Variants in RAD51B observed in about 807,000 individuals in gnomAD.
RAD51B encodes the protein RAD51 paralog B.
Under a neutral mutation model 42.2 loss-of-function variants are expected in RAD51B, and 38 were observed. The observed-to-expected ratio is 0.90, with a 90% CI of 0.70 to 1.18. RAD51B has a LOEUF of 1.18. RAD51B is among the 50% of genes most tolerant of loss of function. The pLI is 0.00. For synonymous variants in RAD51B, 154 were observed against 145.2 expected, an observed-to-expected ratio of 1.06 and a Z score of -0.43; for missense variants, 373 against 400.7, an observed-to-expected ratio of 0.93 and a Z score of 0.59.
At chr14:68,163,381 G>A (rs1019766625) in intron 7 of RAD51B, among the ~76,000 whole-genome samples, 1 of 152,090 alleles carries the variant, frequency 6.6e-6, no homozygotes, top group Admixed American at 6.6e-5. Flanking sequence ...CCAGATCAAT[G>A]AACATTCCTC....
chr14:68,444,440 T>TTTTGTGTG lies in RAD51B; in HGVS notation c.958-23731_958-23730insTTGTGTGT, dbSNP rs112036154. Among the ~76,000 whole-genome samples, 500 of 150,272 alleles carry TTTTGTGTG rather than the reference T, an allele frequency of 3.3e-3. 2 individuals carry two copies. Among genetic ancestry groups the TTTTGTGTG allele is most frequent in the Admixed American group, 6.2e-3 (93 of 15,110 alleles). On this transcript the variant is annotated intron_variant, in intron 9 of 10. Coordinates refer to ENST00000471583, the MANE Select transcript of RAD51B (RefSeq NM_133510.4). Reference sequence around the variant, plus strand: ...TTCCACAGGTGGAAAGAATTGTGAATTGTGTGTGTGTGTGTGTGTGTGTGT... The same window carrying TTTTGTGTG: ...TTCCACAGGTGGAAAGAATTGTGAATTTTGTGTGTGTGTGTGTGTGTGTGTGTGTGTGT...
chr14:68,072,344 G>C (rs1291207040), intron 7 of RAD51B, among the ~76,000 whole-genome samples: 1 of 151,078 alleles, frequency 6.6e-6, no homozygotes, highest in Non-Finnish European at 1.5e-5. Context: ...CCCGCAATAG[G>C]CTGTCTGCAA....
chr14:68,295,026 T>C (rs2139671145), intron 8 of RAD51B, among the ~76,000 whole-genome samples: 1 of 152,280 alleles, frequency 6.6e-6, no homozygotes, highest in African/African-American at 2.4e-5. Flanking sequence ...CCCAATAGTT[T>C]GTGAATGGGA....
At chr14:68,650,072 C>T (rs1484693662) in intron 10 of RAD51B, among the ~76,000 whole-genome samples, 4 of 152,168 alleles carry the variant, frequency 2.6e-5, no homozygotes, top group Non-Finnish European at 4.4e-5. Flanking sequence ...TCAGAAATGT[C>T]TGATCTTTGC....
intron 7 of RAD51B, among the ~76,000 whole-genome samples, chr14:67,946,960 T>G (rs1345950315): frequency 6.6e-6 from 1 of 152,206 alleles, no homozygotes; most frequent in East Asian, 1.9e-4. Flanking sequence ...TTGATATATT[T>G]AAGTCCCTTA....
At chr14:68,513,175 A>G (rs1885859862) in intron 10 of RAD51B, among the ~76,000 whole-genome samples, 1 of 152,140 alleles carries the variant, frequency 6.6e-6, no homozygotes, top group East Asian at 1.9e-4. Context: ...AGCAAAGATG[A>G]ACATTCAGAG....
chr14:67,967,223 G>C (rs1040936529), intron 7 of RAD51B, among the ~76,000 whole-genome samples: 1 of 152,096 alleles, frequency 6.6e-6, no homozygotes, highest in Non-Finnish European at 1.5e-5. Flanking sequence ...CTTCCACCAG[G>C]TCCCTCCCAC....
chr14:68,158,585 A>T (rs1345436151), intron 7 of RAD51B, among the ~76,000 whole-genome samples: 1 of 152,206 alleles, frequency 6.6e-6, no homozygotes, highest in Admixed American at 6.5e-5. Context: ...ACTGCTCTAT[A>T]TAGCACTTTT....
rs143770123 is a variant in RAD51B, at chr14:68,563,254, A to G, written c.1037-31231A>G. 1.8e-3 allele frequency: 1,756 copies of G among 985,380 alleles called. 20 individuals are homozygous for G. The African/African-American group carries it at 0.023, about 13-fold the overall frequency. 61.0% of individuals were successfully genotyped at this position (985,380 alleles called of 1,614,324 possible). ...GCCACATCATTACCTGCAGAGTTCA[A>G]TGAAAAGCCCCATCCAGAATGGGCC... On this transcript the variant is annotated intron_variant, in intron 10 of 10. Coordinates refer to the RAD51B transcript ENST00000487270.
chr14:68,259,416 C>T (rs867901158), intron 7 of RAD51B, among the ~76,000 whole-genome samples: 3 of 151,460 alleles, frequency 2.0e-5, no homozygotes, highest in Non-Finnish European at 4.4e-5. Flanking sequence ...CAAACCTGCA[C>T]GTTGTGCACA....
chr14:68,470,396 CTT>C, intron 10 of RAD51B: 2 of 435,332 alleles, frequency 4.6e-6, no homozygotes, highest in Non-Finnish European at 9.0e-6. Flanking sequence ...CTCCCAAAGA[CTT>C]TGGGAAAACA....
At chr14:68,264,132 T>G (rs952429315) in intron 7 of RAD51B, among the ~76,000 whole-genome samples, 4 of 152,186 alleles carry the variant, frequency 2.6e-5, no homozygotes, top group Admixed American at 1.3e-4. Flanking sequence ...ACAATAGAGC[T>G]CTAGGAACTC....
At chr14:68,094,338 A>T (rs964442745) in intron 7 of RAD51B, among the ~76,000 whole-genome samples, 7 of 152,212 alleles carry the variant, frequency 4.6e-5, no homozygotes, top group African/African-American at 1.7e-4. Flanking sequence ...TTATATCAGC[A>T]TCGTTTGAGG....
intron 7 of RAD51B, among the ~76,000 whole-genome samples, chr14:68,187,879 A>G (rs1050779648): frequency 6.6e-6 from 1 of 152,092 alleles, no homozygotes; most frequent in Non-Finnish European, 1.5e-5. Flanking sequence ...CAGTGGCGCA[A>G]TCTCGGCTCA....
chr14:67,835,317 C>G, intron 4 of RAD51B, 121 bp downstream of exon 4: 1 of 759,570 alleles, frequency 1.3e-6, no homozygotes, highest in East Asian at 2.5e-5. Flanking sequence ...ATTATAAGTA[C>G]TTCAAGGATA....
At chr14:68,403,229 A>G (rs2084165471) in intron 8 of RAD51B, among the ~76,000 whole-genome samples, 1 of 152,152 alleles carries the variant, frequency 6.6e-6, no homozygotes, top group Admixed American at 6.5e-5. Context: ...GAGGGACCAA[A>G]TATCCAGAAT....
chr14:68,641,272 A>G (rs1371039473), intron 10 of RAD51B, among the ~76,000 whole-genome samples: 2 of 152,214 alleles, frequency 1.3e-5, no homozygotes, highest in Non-Finnish European at 2.9e-5. Context: ...CTGTTGGTAT[A>G]TAGGAAAGTA....
At position 68,411,299 on chromosome 14, in the gene RAD51B, T is replaced by C. The variant is rs2084412908; in HGVS notation, c.854-125T>C. 6.7e-6 allele frequency: 5 copies of C among 743,498 alleles called. No homozygotes were observed. In the South Asian group the frequency reaches 8.3e-5, roughly 12 times the overall value. The allele number at this position is 743,498 out of a possible 1,614,324, so 46.1% of individuals were successfully genotyped here. On this transcript the variant is annotated intron_variant, in intron 8 of 10. Coordinates refer to ENST00000471583, the MANE Select transcript of RAD51B (RefSeq NM_133510.4). ...CCTACTTCACTGATTCCTCAAGTTC[T>C]GTGGTAATGAACTGAGCCTCCAAGT...
At chr14:68,246,548 C>T (rs1445594184) in intron 7 of RAD51B, among the ~76,000 whole-genome samples, 2 of 152,172 alleles carry the variant, frequency 1.3e-5, no homozygotes, top group Non-Finnish European at 2.9e-5. Flanking sequence ...GTTGTGAATT[C>T]TGTAACGGAA....
Sources: gnomAD v4.1 joint callset for allele counts (sites outside exome capture counted in the v4.1 genomes callset) on GRCh38, gnomAD v4.1.1 for gene constraint, MANE v1.5 for transcripts, NCBI Gene and HGNC (gene_info 2026-07-23, HGNC 2026-07-21) for gene names.